PHLDB2: variants seen among roughly 807,000 people sequenced by gnomAD.
The protein encoded by PHLDB2 is pleckstrin homology-like domain family B member 2.
A neutral mutation model predicts 123.6 loss-of-function variants in PHLDB2; 71 were observed. The observed-to-expected ratio is 0.57, with a 90% CI of 0.47 to 0.70. The LOEUF (loss-of-function observed/expected upper bound fraction) is 0.70. Among genes scored for constraint, PHLDB2 ranks in the 30% least tolerant of loss-of-function variants. The pLI is 0.00. For synonymous variants in PHLDB2, 547 were observed against 541.6 expected (o/e 1.01, Z -0.14); for missense variants, 1,446 against 1,519.5 (o/e 0.95, Z 0.80).
At chr3:111,939,665 C>G (rs200582381) in intron 7 of PHLDB2, 35 bp downstream of exon 7, 148 of 1,582,216 alleles carry the variant, frequency 9.4e-5, no homozygotes, top group African/African-American at 4.2e-4. Flanking sequence ...TGTGAAAAAT[C>G]AAAATATATT....
intron 1 of PHLDB2, among the ~76,000 whole-genome samples, chr3:111,868,145 G>C (rs930708192): frequency 6.6e-6 from 1 of 151,444 alleles, no homozygotes; most frequent in East Asian, 1.9e-4. Flanking sequence ...TCTGCCTCCT[G>C]AGTAGCTGGA....
At chr3:111,925,800 T>G (rs1354269741) in intron 5 of PHLDB2, among the ~76,000 whole-genome samples, 1 of 152,222 alleles carries the variant, frequency 6.6e-6, no homozygotes, top group Middle Eastern at 3.2e-3. Flanking sequence ...TGTGCATCTG[T>G]TTGCGTAGGT....
rs1028158810 is a variant in PHLDB2 at position 111,810,698 on chromosome 3, C to A, written c.-48-35123C>A. Among the ~76,000 whole-genome samples, 13 of 152,276 alleles carry A rather than the reference C, an allele frequency of 8.5e-5. No homozygotes were observed. The East Asian group carries it at 2.3e-3, about 27-fold the overall frequency. ...TCCAAGGACGCTATTCCGTCCATAG[C>A]AATGATATAGCAACCCACACAGACT... On this transcript the variant is annotated intron_variant, in intron 1 of 17. Transcript: ENST00000393923.
intron 13 of PHLDB2, among the ~76,000 whole-genome samples, chr3:111,962,528 T>G (rs979820045): frequency 6.6e-5 from 10 of 152,214 alleles, no homozygotes; most frequent in African/African-American, 2.4e-4. Flanking sequence ...ATAATCTGTT[T>G]CCACCTTTAT....
chr3:111,916,162 G>C (rs975345428), intron 3 of PHLDB2: 1 of 152,302 alleles, frequency 6.6e-6, no homozygotes, highest in South Asian at 2.1e-4. Flanking sequence ...TTGCTCAAGC[G>C]TGTAATTGTG....
chr3:111,867,946 C>T (rs111483380), intron 1 of PHLDB2, among the ~76,000 whole-genome samples: 89 of 152,018 alleles, frequency 5.9e-4, no homozygotes, highest in South Asian at 3.5e-3. Context: ...AGTGATCTGC[C>T]TGCCTCGGCC....
chr3:111,745,629 T>C (rs896411243), intron 1 of PHLDB2, among the ~76,000 whole-genome samples: 5 of 152,040 alleles, frequency 3.3e-5, no homozygotes, highest in Admixed American at 6.6e-5. Context: ...CTGGGCATGG[T>C]GACACACCAG....
At chr3:111,829,983 G>GAATTAGATATGTATCT (rs143265157) in intron 1 of PHLDB2, among the ~76,000 whole-genome samples, 24,051 of 140,202 alleles carry the variant, frequency 0.17, 4,178 homozygotes, top group African/African-American at 0.43. Flanking sequence ...GCAAAACCAA[G>GAATTAGATATGTATCT]AATTCCTAAA....
chr3:111,935,184 C>G (rs898264654), intron 6 of PHLDB2, among the ~76,000 whole-genome samples: 3 of 148,906 alleles, frequency 2.0e-5, no homozygotes, highest in Non-Finnish European at 4.4e-5. Context: ...ACTGCAAGCT[C>G]CACCTCCCAG....
intron 1 of PHLDB2, among the ~76,000 whole-genome samples, chr3:111,736,262 ATTGACT>A (rs2059505605): frequency 6.6e-6 from 1 of 152,202 alleles, no homozygotes; most frequent in East Asian, 1.9e-4. Flanking sequence ...TGTTTGAGTG[ATTGACT>A]TTAACATAAT....
At chr3:111,867,531 T>C (rs1263298944) in intron 1 of PHLDB2, among the ~76,000 whole-genome samples, 6 of 152,280 alleles carry the variant, frequency 3.9e-5, no homozygotes, top group Admixed American at 2.0e-4. Flanking sequence ...AAAACATGGA[T>C]TGTTATAAAG....
At chr3:111,830,185 C>T (rs1177720227) in intron 1 of PHLDB2, among the ~76,000 whole-genome samples, 1 of 152,136 alleles carries the variant, frequency 6.6e-6, no homozygotes, top group Non-Finnish European at 1.5e-5. Flanking sequence ...TTTACTCTTT[C>T]CTCCTACTTC....
At chr3:111,785,396 G>A (rs548946529) in intron 1 of PHLDB2, among the ~76,000 whole-genome samples, 1 of 152,090 alleles carries the variant, frequency 6.6e-6, no homozygotes, top group East Asian at 1.9e-4. Context: ...CCACTTTGGA[G>A]CTTTAAATTT....
chr3:111,767,021 A>T (rs1243649950), intron 1 of PHLDB2, among the ~76,000 whole-genome samples: 3 of 93,316 alleles, frequency 3.2e-5, no homozygotes, highest in African/African-American at 1.3e-4. Flanking sequence ...ACAGAGCCTG[A>T]CTTCATCTCA....
chr3:111,856,758 G>A (rs993149480), upstream of PHLDB2, among the ~76,000 whole-genome samples: 6 of 152,154 alleles, frequency 3.9e-5, no homozygotes, highest in Non-Finnish European at 7.4e-5. Flanking sequence ...TTACATGTCC[G>A]GTATCCTTGT....
intron 5 of PHLDB2, among the ~76,000 whole-genome samples, chr3:111,927,693 T>C (rs995826418): frequency 9.9e-5 from 15 of 152,194 alleles, no homozygotes; most frequent in African/African-American, 3.1e-4. Context: ...ATTAAAGTCA[T>C]TTGTTGTTCA....
chr3:111,897,046 A>C (rs2066912206), intron 2 of PHLDB2, among the ~76,000 whole-genome samples: 1 of 152,236 alleles, frequency 6.6e-6, no homozygotes, highest in Non-Finnish European at 1.5e-5. Context: ...GATACAGAAC[A>C]GTTCTAACAC....
At chr3:111,946,728 A>G (rs1282734) in intron 9 of PHLDB2, among the ~76,000 whole-genome samples, 151,038 of 152,344 alleles carry the variant, frequency 0.99, 74,886 homozygotes, top group Middle Eastern at 1. Flanking sequence ...CTGCATGTGT[A>G]ATGGGAGGCC....
intron 1 of PHLDB2, among the ~76,000 whole-genome samples, chr3:111,827,686 A>G (rs892606784): frequency 1.3e-3 from 63 of 48,704 alleles, no homozygotes; most frequent in African/African-American, 8.3e-3. Flanking sequence ...AATCCGTCTC[A>G]AAAAAAAAAA....
Sources: allele counts gnomAD v4.1 joint callset (sites outside exome capture counted in the v4.1 genomes callset), GRCh38; gene constraint gnomAD v4.1.1; transcripts MANE v1.5; gene names NCBI Gene and HGNC (gene_info 2026-07-23, HGNC 2026-07-21).